The following AKAP13 variants were observed in gnomAD, a reference collection of about 807,000 sequenced individuals.
The protein encoded by AKAP13 is A-kinase anchor protein 13.
A neutral mutation model predicts 264.5 loss-of-function variants in AKAP13; 80 were observed. The ratio of observed to expected loss-of-function variants is 0.30; its 90% CI spans 0.25 to 0.36. AKAP13 has a LOEUF of 0.36. Ranked by LOEUF, AKAP13 falls within the 10% of genes least tolerant of loss-of-function variation. AKAP13 has a pLI of 1.00. For missense variants in AKAP13, 3,712 were observed against 3,435.2 expected (o/e 1.08, Z -2.01); for synonymous variants, 1,380 against 1,250.2 (o/e 1.10, Z -2.19).
intron 2 of AKAP13, among the ~76,000 whole-genome samples, chr15:85,495,958 C>A (rs1329813989): frequency 6.6e-6 from 1 of 152,142 alleles, no homozygotes; most frequent in Non-Finnish European, 1.5e-5. Context: ...TAAACTGTTT[C>A]TATTAGAATA....
chr15:85,709,432 G>A (rs1567206938), intron 18 of AKAP13, among the ~76,000 whole-genome samples: 1 of 152,134 alleles, frequency 6.6e-6, no homozygotes, highest in Non-Finnish European at 1.5e-5. Flanking sequence ...GGAGCTGAGT[G>A]GTGCTGCCTC....
intron 2 of AKAP13, among the ~76,000 whole-genome samples, chr15:85,492,615 C>G (rs1224848318): frequency 6.6e-6 from 1 of 152,116 alleles, no homozygotes; most frequent in Non-Finnish European, 1.5e-5. Flanking sequence ...GTATAATTAA[C>G]AAAAAACAGG....
rs540747479 is a variant in AKAP13 at position 85,578,881 on chromosome 15, A to G, written c.862-49A>G. The G allele has an allele frequency of 2.0e-3, 3,098 of 1,566,142 alleles. 7 individuals are homozygous for G. The highest frequency in any genetic ancestry group is 3.3e-3 in the South Asian group (280 of 85,040). Reference sequence around the variant, plus strand: ...ATTTTTGCTCAGAGGTGTCAGTGACATCTTCTCCTACAGGCAGTTTTTTAA... The same window carrying G: ...ATTTTTGCTCAGAGGTGTCAGTGACGTCTTCTCCTACAGGCAGTTTTTTAA... On this transcript the variant is annotated intron_variant, in intron 6 of 36. Coordinates refer to ENST00000394518, the MANE Select transcript of AKAP13 (RefSeq NM_007200.5).
In AKAP13 at chr15:85,744,766, G is replaced by C. The variant is rs562539550; in HGVS notation, c.*89G>C. 49 of 1,248,858 alleles carry C rather than the reference G, an allele frequency of 3.9e-5. 1 individual carries two copies. In the East Asian group the frequency reaches 1.2e-3, roughly 31 times the overall value. The allele number at this position is 1,248,858 out of a possible 1,614,324, so 77.4% of individuals were successfully genotyped here. On this transcript the variant is annotated 3_prime_UTR_variant, in exon 37 of 37. Coordinates refer to ENST00000394518, the MANE Select transcript of AKAP13 (RefSeq NM_007200.5). Reference sequence around the variant, plus strand: ...CCCGCGTGCACAAGTCTCTTACACTGGACGCCCACTGCTCCTCAGCGTCCA... The same window carrying C: ...CCCGCGTGCACAAGTCTCTTACACTCGACGCCCACTGCTCCTCAGCGTCCA...
intron 10 of AKAP13, 68 bp from the exon 11 acceptor site, chr15:85,655,349 C>G: frequency 7.8e-6 from 12 of 1,548,060 alleles, no homozygotes; most frequent in Non-Finnish European, 9.6e-6. Context: ...TTGGCTTGAT[C>G]TAGAATAACT....
chr15:85,629,763 CCTTTTTTTTTT>C (rs2081606957), intron 8 of AKAP13, among the ~76,000 whole-genome samples: 1 of 76,150 alleles, frequency 1.3e-5, no homozygotes, highest in Non-Finnish European at 2.9e-5. Flanking sequence ...TCCTTTACAG[CCTTTTTTTTTT>C]TTTTTTTTTT....
rs547151039 is a variant in AKAP13 at position 85,574,566 on chromosome 15, ATAAT to A, written c.663-562_663-559del. Among the ~76,000 whole-genome samples the A allele has an allele frequency of 9.8e-5, 15 of 152,372 alleles. No individual in the cohort carries two copies. The South Asian group carries it at 2.9e-3, about 29-fold the overall frequency. Reference sequence around the variant, plus strand: ...AGTGCTTTATTCCAAATAGGATATGATAATTATATTGACAAGTGTTGAACAATAT... The same window carrying A: ...AGTGCTTTATTCCAAATAGGATATGATATATTGACAAGTGTTGAACAATAT... On this transcript the variant is annotated intron_variant, in intron 5 of 36. Transcript: ENST00000394518.
At chr15:85,586,006 T>C (rs2151317448) in intron 8 of AKAP13, among the ~76,000 whole-genome samples, 183 bp downstream of exon 8, 1 of 152,344 alleles carries the variant, frequency 6.6e-6, no homozygotes, top group South Asian at 2.1e-4. Flanking sequence ...AAATGGTATA[T>C]ACCATACAGC....
intron 8 of AKAP13, among the ~76,000 whole-genome samples, chr15:85,633,480 G>A (rs2081939466): frequency 2.7e-5 from 4 of 149,304 alleles, no homozygotes; most frequent in Admixed American, 2.7e-4. Context: ...TTGGCTCATT[G>A]CAAATGAAAT....
intron 17 of AKAP13, among the ~76,000 whole-genome samples, chr15:85,698,175 G>C (rs1231101139): frequency 6.6e-6 from 1 of 152,022 alleles, no homozygotes; most frequent in Non-Finnish European, 1.5e-5. Flanking sequence ...ATAATAAAGA[G>C]AGAATATAAG....
At chr15:85,411,107 T>C (rs191532191) in intron 1 of AKAP13, among the ~76,000 whole-genome samples, 5 of 152,320 alleles carry the variant, frequency 3.3e-5, no homozygotes, top group Admixed American at 3.3e-4. Context: ...CTTTTTATAG[T>C]GTGCAGACAT....
intron 2 of AKAP13, among the ~76,000 whole-genome samples, chr15:85,516,573 C>T (rs2076607319): frequency 1.3e-5 from 2 of 152,162 alleles, no homozygotes; most frequent in Admixed American, 6.6e-5. Flanking sequence ...GCAAGACCTC[C>T]ATTCTTTCCG....
intron 14 of AKAP13, among the ~76,000 whole-genome samples, chr15:85,676,808 G>C (rs2084253945): frequency 6.6e-6 from 1 of 152,174 alleles, no homozygotes; most frequent in African/African-American, 2.4e-5. Flanking sequence ...TTAGAATTCT[G>C]TATATTCAGA....
chr15:85,743,755 T>C lies in AKAP13; in HGVS notation c.8322T>C (p.Phe2774=). The C allele has an allele frequency of 1.2e-6, 2 of 1,613,982 alleles. No homozygotes were observed. Among genetic ancestry groups the C allele is most frequent in the Non-Finnish European group, 1.7e-6 (2 of 1,180,006 alleles). The change falls in exon 36 of 37, where the codon TTT becomes TTC. Residue 2774 remains phenylalanine (F), a synonymous_variant. Transcript: ENST00000394518. The part of the protein sequence containing the change: ...PASTSASTRL[F]GLTKPKEKKE... Reference sequence around the variant, plus strand: ...CCACCTCTGCCTCTACCCGCCTGTTTGGGTTAACAAAGCCAAAGGAAAAGA... The same window carrying C: ...CCACCTCTGCCTCTACCCGCCTGTTCGGGTTAACAAAGCCAAAGGAAAAGA...
intron 4 of AKAP13, among the ~76,000 whole-genome samples, chr15:85,539,156 A>G (rs2151202593): frequency 6.6e-6 from 1 of 152,192 alleles, no homozygotes; most frequent in South Asian, 2.1e-4. Flanking sequence ...TTCAGCTGTC[A>G]TCACTGCTGA....
At chr15:85,739,176 C>G (rs1004629851) in intron 33 of AKAP13, among the ~76,000 whole-genome samples, 7 of 152,174 alleles carry the variant, frequency 4.6e-5, no homozygotes, top group African/African-American at 1.7e-4. Flanking sequence ...TTTTTCACAG[C>G]TCTCTGATTA....
At chr15:85,671,215 A>G (rs950040688) in intron 14 of AKAP13, among the ~76,000 whole-genome samples, 7 of 152,052 alleles carry the variant, frequency 4.6e-5, no homozygotes, top group African/African-American at 1.7e-4. Context: ...GGGATGTTCC[A>G]TCTCACTTCA....
At chr15:85,595,990 T>C (rs551998258) in intron 8 of AKAP13, among the ~76,000 whole-genome samples, 45 of 152,352 alleles carry the variant, frequency 3.0e-4, no homozygotes, top group Non-Finnish European at 4.7e-4. Context: ...TTCCTGCCTC[T>C]TTCATTTCAT....
At chr15:85,517,418 G>T (rs1404643295) in intron 2 of AKAP13, among the ~76,000 whole-genome samples, 2 of 152,070 alleles carry the variant, frequency 1.3e-5, no homozygotes, top group East Asian at 3.9e-4. Context: ...TAGTATCTTG[G>T]GACATGGAGA....
Sources: allele counts gnomAD v4.1 joint callset (sites outside exome capture counted in the v4.1 genomes callset), GRCh38; gene constraint gnomAD v4.1.1; transcripts MANE v1.5; gene names NCBI Gene and HGNC (gene_info 2026-07-23, HGNC 2026-07-21).